RPL29: variants seen among roughly 807,000 people sequenced by gnomAD.
RPL29 encodes the protein ribosomal protein L29, also known as large ribosomal subunit protein eL29.
RPL29 carries 4 observed loss-of-function variants against 7.2 expected under a neutral mutation model. The ratio of observed to expected loss-of-function variants is 0.55; its 90% CI spans 0.27 to 1.26. The LOEUF (loss-of-function observed/expected upper bound fraction) is 1.26. Among genes scored for constraint, RPL29 ranks in the 50% most tolerant of loss-of-function variants. RPL29 has a pLI of 0.11. For missense variants in RPL29, 148 were observed against 209.1 expected (o/e 0.71, Z 1.80); for synonymous variants, 73 against 72.8 (o/e 1.00, Z -0.01).
chr3:51,995,559 C>G, intron 1 of RPL29, 90 bp from the exon 2 acceptor site: 1 of 1,277,900 alleles, frequency 7.8e-7, no homozygotes, highest in Non-Finnish European at 1.1e-6. Flanking sequence ...AGCCTGCAGG[C>G]AGAGAATGTG....
intron 3 of RPL29, chr3:51,994,451 C>A (rs1016276913): frequency 2.8e-6 from 1 of 359,168 alleles, no homozygotes; most frequent in African/African-American, 2.2e-5. Flanking sequence ...TCAGGGACAC[C>A]CCCTCCCCTC....
intron 1 of RPL29, 134 bp from the exon 2 acceptor site, chr3:51,995,603 C>T: frequency 1.2e-6 from 1 of 827,100 alleles, no homozygotes; most frequent in Non-Finnish European, 2.0e-6. Context: ...CTCTGCACGA[C>T]CAAACGCCAG....
At position 51,993,859 on chromosome 3, in the gene RPL29, T is replaced by C. The variant is rs573974394; in HGVS notation, c.370A>G (p.Lys124Glu). 4 of 1,595,142 alleles carry C rather than the reference T, an allele frequency of 2.5e-6. No homozygotes were observed. In the Admixed American group the frequency reaches 6.7e-5, roughly 27 times the overall value. ...TGATCCTTGGCCTTGGCCTTGGCCT[T>C]GGCCTTTGGCCGGCACAGCCTGAGC... ...KGLRLCRPKAKAKAKAKDQTK... is the reference protein window; with the variant it reads ...KGLRLCRPKAEAKAKAKDQTK... The change falls in exon 4 of 4, where the codon AAG (lysine) becomes GAG (glutamate). Residue 124 changes from lysine to glutamate, a missense_variant. By Grantham distance (56) the Lys-to-Glu change is moderately conservative. Transcript: ENST00000294189.
chr3:51,994,725 C>A, intron 3 of RPL29: 1 of 657,668 alleles, frequency 1.5e-6, no homozygotes, highest in Non-Finnish European at 2.8e-6. Context: ...TAAGGCTGGT[C>A]AGTGTGGGAA....
At chr3:51,995,260 T>A in intron 2 of RPL29, 154 bp from the exon 3 acceptor site, 2 of 962,416 alleles carry the variant, frequency 2.1e-6, no homozygotes, top group South Asian at 3.0e-5. Flanking sequence ...CAAAACACTC[T>A]GTATCTCAAG....
At chr3:51,995,268 AAGT>A in intron 2 of RPL29, 154 bp downstream of exon 2, 1 of 979,574 alleles carries the variant, frequency 1.0e-6, no homozygotes, top group Admixed American at 2.2e-5. Flanking sequence ...TCTGTATCTC[AAGT>A]AGATCTCTAA....
chr3:51,994,544 G>C (rs1701290580), intron 3 of RPL29: 1 of 351,966 alleles, frequency 2.8e-6, no homozygotes, highest in South Asian at 3.7e-5. Context: ...CTGAGGCTCA[G>C]AGTTTGTGAT....
chr3:51,994,933 T>G lies in RPL29; in HGVS notation c.102+109A>C, dbSNP rs761308267. On this transcript the variant is annotated intron_variant, in intron 3 of 3. Transcript: ENST00000294189. ...GAATTGCAGGCTTTGGGTGGGCCAG[T>G]TAGGCTGTGCTCAGGCAGAAGCCAA... The G allele has an allele frequency of 7.2e-6, 7 of 971,604 alleles. No individual in the cohort carries two copies. In the South Asian group the frequency reaches 8.9e-5, roughly 12 times the overall value. The allele number at this position is 971,604 out of a possible 1,614,324, so 60.2% of individuals were successfully genotyped here. A position where few individuals can be genotyped will look rare whatever the true frequency, so the allele number is the denominator to read the frequency against.
At chr3:51,994,932 G>T in intron 3 of RPL29, 110 bp downstream of exon 3, 3 of 967,482 alleles carry the variant, frequency 3.1e-6, no homozygotes, top group Non-Finnish European at 5.1e-6. Context: ...GGGTGGGCCA[G>T]TTAGGCTGTG....
chr3:51,995,861 A>T lies in RPL29; in HGVS notation c.-13T>A, dbSNP rs554496219. On this transcript the variant is annotated 5_prime_UTR_variant, in exon 1 of 4. Transcript: ENST00000294189. ...TGCCGCGCGGCCAACACTCACCATA[A>T]GCCGCGGCTCCCGAAGCGCCTAGAA... The T allele has an allele frequency of 1.0e-4, 24 of 235,024 alleles. 1 individual carries two copies. In the South Asian group the frequency reaches 1.3e-3, roughly 13 times the overall value. 14.6% of individuals were successfully genotyped at this position (235,024 alleles called of 1,614,324 possible). A position where few individuals can be genotyped will look rare whatever the true frequency, so the allele number is the denominator to read the frequency against.
Position 51,995,115 on chromosome 3 carries a change from G to A in RPL29, c.38-9C>T, listed in dbSNP as rs1559785322. 28 of 1,588,298 alleles carry A rather than the reference G, an allele frequency of 1.8e-5. No individual in the cohort carries two copies. The highest frequency in any genetic ancestry group is 1.3e-4 in the Admixed American group (7 of 54,722). On this transcript the variant is annotated splice_polypyrimidine_tract_variant and intron_variant, in intron 2 of 3. Transcript: ENST00000294189. ...TCTGTGCCATTTTCGGGCTGTGGGA[G>A]AAAAAAAGGGAATTAAGCCAACAAA...
At chr3:51,995,389 A>AG (rs776989278) in intron 2 of RPL29, 36 bp downstream of exon 2, 137 of 1,612,954 alleles carry the variant, frequency 8.5e-5, no homozygotes, top group Admixed American at 3.8e-4. Flanking sequence ...AGTCCTTGCC[A>AG]GGGTCTGGGA....
At position 51,995,413 on chromosome 3, in the gene RPL29, CA is replaced by C. The variant is rs1559785419; in HGVS notation, c.37+11del. ...CAGGGTCTGGGATGTAGGCAGGGCC[CA>C]AAAAACTTACACTGGTTGTGTGTGG... On this transcript the variant is annotated intron_variant, in intron 2 of 3. Transcript: ENST00000294189. The C allele has an allele frequency of 1.2e-6, 2 of 1,614,142 alleles. No individual in the cohort carries two copies. The highest frequency in any genetic ancestry group is 2.2e-5 in the East Asian group (1 of 44,886).
intron 3 of RPL29, 38 bp downstream of exon 3, chr3:51,995,004 C>T: frequency 1.3e-6 from 2 of 1,573,160 alleles, no homozygotes; most frequent in South Asian, 2.2e-5. Flanking sequence ...GCACCTGGAA[C>T]CAAGAAAAGA....
Position 51,995,529 on chromosome 3 carries a change from C to G in RPL29, c.-8-60G>C, listed in dbSNP as rs138503522. 5.4e-3 allele frequency: 8,240 copies of G among 1,527,370 alleles called. 31 individuals carry two copies. The highest frequency in any genetic ancestry group is 0.011 in the Middle Eastern group (48 of 4,410). 94.6% of individuals were successfully genotyped at this position (1,527,370 alleles called of 1,614,324 possible). A position where few individuals can be genotyped will look rare whatever the true frequency, so the allele number is the denominator to read the frequency against. On this transcript the variant is annotated intron_variant, in intron 1 of 3. Transcript: ENST00000294189. ...TCGCCAGGCTGGGCCACCTCTGCCC[C>G]CCCCATTCTGGTCAGAATGAGCCTG...
intron 1 of RPL29, 41 bp from the exon 2 acceptor site, chr3:51,995,510 G>A: frequency 6.2e-7 from 1 of 1,601,324 alleles, no homozygotes; most frequent in South Asian, 1.1e-5. Flanking sequence ...GGGCTCGCCA[G>A]GCTGGGCCAC....
In RPL29 at chr3:51,993,926, G is replaced by A; in HGVS notation, c.303C>T (p.His101=). The change falls in exon 4 of 4, where the codon CAC becomes CAT. Residue 101 remains histidine (H), a synonymous_variant. Transcript: ENST00000294189. ...RKLDRLAYIA[H]PKLGKRARAR... is the part of the protein sequence containing the mutation. ...CACGAGCACGCTTCCCAAGCTTGGG[G>A]TGGGCAATGTAGGCAAGTCGATCGA... 5 of 1,596,576 alleles carry A rather than the reference G, an allele frequency of 3.1e-6. No individual in the cohort carries two copies. Among genetic ancestry groups the A allele is most frequent in the South Asian group, 2.2e-5 (2 of 90,998 alleles).
rs1559784822 is a variant in RPL29, at chr3:51,993,844, C to A, written c.385G>T (p.Ala129Ser). Residue 129 changes from alanine (A) to serine (S), a missense_variant, in exon 4 of 4, where the codon GCC becomes TCC. Transcript: ENST00000294189. ...GCCTGGGCCTTGGTTTGATCCTTGG[C>A]CTTGGCCTTGGCCTTGGCCTTTGGC... ...CRPKAKAKAK[A>S]KDQTKAQAAA... 6.4e-7 allele frequency: 1 copy of A among 1,559,192 alleles called. No individual in the cohort carries two copies. The highest frequency in any genetic ancestry group is 2.3e-5 in the East Asian group (1 of 43,460).
intron 3 of RPL29, 66 bp from the exon 4 acceptor site, chr3:51,994,192 CCAT>C: frequency 6.6e-7 from 1 of 1,512,808 alleles, no homozygotes; most frequent in Non-Finnish European, 8.8e-7. Context: ...CTGCCCCTCT[CCAT>C]AGGGGTACCC....
Sources: allele counts gnomAD v4.1 joint callset, GRCh38; gene constraint gnomAD v4.1.1; transcripts MANE v1.5; gene names NCBI Gene and HGNC (gene_info 2026-07-23, HGNC 2026-07-21).